Variants in MYO9B observed in about 807,000 individuals in gnomAD.
MYO9B encodes the protein myosin IXB, also known as unconventional myosin-IXb.
Under a neutral mutation model 229.5 loss-of-function variants are expected in MYO9B, and 71 were observed. The observed-to-expected ratio is 0.31, with a 90% CI of 0.26 to 0.38. MYO9B has a LOEUF of 0.38. Among genes scored for constraint, MYO9B ranks in the 10% least tolerant of loss-of-function variants. The probability of loss-of-function intolerance (pLI) is 1.00; values close to 1 mark genes in which losing one functional copy is unlikely to be tolerated. For missense variants in MYO9B, 2,255 were observed against 2,920.5 expected (o/e 0.77, Z 5.25); for synonymous variants, 1,185 against 1,235.8 (o/e 0.96, Z 0.86).
chr19:17,180,115 C>G (rs1189154293), intron 14 of MYO9B, among the ~76,000 whole-genome samples: 2 of 150,158 alleles, frequency 1.3e-5, no homozygotes, highest in Non-Finnish European at 3.0e-5. Context: ...CGCCTGTAAT[C>G]CTAGCTATTT....
chr19:17,182,071 T>C lies in MYO9B; in HGVS notation c.2333+1031T>C, dbSNP rs536001498. Among the ~76,000 whole-genome samples, 938 of 137,712 alleles carry C rather than the reference T, an allele frequency of 6.8e-3. 18 individuals carry two copies. The highest frequency in any genetic ancestry group is 0.034 in the Admixed American group (471 of 14,026). 90.3% of individuals were successfully genotyped at this position (137,712 alleles called of 152,430 possible). On this transcript the variant is annotated intron_variant, in intron 15 of 39. Coordinates refer to ENST00000682292, the MANE Select transcript of MYO9B (RefSeq NM_004145.4). Reference sequence around the variant, plus strand: ...GGATTACAGGCATGATTCACCGCCCTTTTTTTTTTTTTTCTTTTTTAAGAG... The same window carrying C: ...GGATTACAGGCATGATTCACCGCCCCTTTTTTTTTTTTTCTTTTTTAAGAG...
chr19:17,141,329 C>T (rs1380974428), intron 2 of MYO9B, among the ~76,000 whole-genome samples: 2 of 152,144 alleles, frequency 1.3e-5, no homozygotes, highest in African/African-American at 2.4e-5. Context: ...TCGCTCTCTC[C>T]TATCCCCTGG....
At chr19:17,209,552 C>T in intron 35 of MYO9B, 34 bp from the exon 36 acceptor site, 3 of 1,561,638 alleles carry the variant, frequency 1.9e-6, no homozygotes, top group Non-Finnish European at 2.6e-6. Flanking sequence ...GGGGCGGTAA[C>T]TGAGTCACTT....
Position 17,173,132 on chromosome 19 carries a change from G to A in MYO9B, c.2140+169G>A, listed in dbSNP as rs549441784. 2.6e-5 allele frequency among the ~76,000 whole-genome samples: 4 copies of A among 152,040 alleles called. No homozygotes were observed. The South Asian group carries it at 8.3e-4, about 32-fold the overall frequency. ...GTCACCCTGAACAGAAACTCGACCT[G>A]CGTGTGTAATTTAACCTCAGGGCAT... On this transcript the variant is annotated intron_variant, in intron 13 of 39. Coordinates refer to ENST00000682292, the MANE Select transcript of MYO9B (RefSeq NM_004145.4).
intron 2 of MYO9B, among the ~76,000 whole-genome samples, chr19:17,142,626 G>A (rs1374829471): frequency 1.3e-5 from 2 of 152,050 alleles, no homozygotes; most frequent in Non-Finnish European, 2.9e-5. Context: ...GGCAATATTT[G>A]CACCTTCGCA....
intron 1 of MYO9B, among the ~76,000 whole-genome samples, chr19:17,094,535 T>C (rs1184294819): frequency 6.6e-6 from 1 of 152,190 alleles, no homozygotes; most frequent in East Asian, 1.9e-4. Context: ...GCTTTCTGTC[T>C]TCATAGGTCA....
rs184410485 is a variant in MYO9B at position 17,118,244 on chromosome 19, A to G, written c.840+15687A>G. On this transcript the variant is annotated intron_variant, in intron 2 of 39. Coordinates refer to ENST00000682292, the MANE Select transcript of MYO9B (RefSeq NM_004145.4). ...AGTTTAGAGGCCTTTAGAGAGTACA[A>G]TTGAAAATCTGGTCTGGCGCTCTGG... Among the ~76,000 whole-genome samples the G allele has an allele frequency of 7.9e-4, 120 of 152,020 alleles. 1 individual carries two copies. In the Middle Eastern group the frequency reaches 0.017, roughly 22 times the overall value.
At chr19:17,162,296 C>A in intron 8 of MYO9B, 54 bp from the exon 9 acceptor site, 1 of 1,439,826 alleles carries the variant, frequency 6.9e-7, no homozygotes, top group Non-Finnish European at 9.5e-7. Flanking sequence ...CAGAGCAAGA[C>A]TCCAGCGCAG....
intron 24 of MYO9B, among the ~76,000 whole-genome samples, 173 bp from the exon 25 acceptor site, chr19:17,200,120 G>T (rs1028223949): frequency 6.6e-6 from 1 of 151,992 alleles, no homozygotes; most frequent in Non-Finnish European, 1.5e-5. Context: ...TGATCCACCC[G>T]CCTGGATCTC....
At chr19:17,153,094 C>T (rs1480711172) in intron 4 of MYO9B, among the ~76,000 whole-genome samples, 1 of 152,034 alleles carries the variant, frequency 6.6e-6, no homozygotes, top group African/African-American at 2.4e-5. Flanking sequence ...GTGAGCTAGA[C>T]ACCACACTTC....
chr19:17,084,372 T>C (rs1020535117), intron 1 of MYO9B, among the ~76,000 whole-genome samples: 5 of 151,878 alleles, frequency 3.3e-5, no homozygotes, highest in African/African-American at 1.2e-4. Flanking sequence ...GTATTCTGTG[T>C]ATTCTGGTAT....
At chr19:17,084,181 T>A (rs1007841109) in intron 1 of MYO9B, among the ~76,000 whole-genome samples, 3 of 151,786 alleles carry the variant, frequency 2.0e-5, no homozygotes, top group African/African-American at 7.3e-5. Context: ...ACAAAAAAGA[T>A]ACAAAAATTA....
intron 20 of MYO9B, among the ~76,000 whole-genome samples, chr19:17,192,122 A>G (rs1283968933): frequency 6.6e-6 from 1 of 151,496 alleles, no homozygotes; most frequent in Non-Finnish European, 1.5e-5. Context: ...CACCTGACTA[A>G]TTTTTGTATT....
Position 17,159,392 on chromosome 19 carries a change from C to T in MYO9B, c.1330-3C>T, listed in dbSNP as rs750325877. 1.2e-6 allele frequency: 2 copies of T among 1,601,244 alleles called. No individual in the cohort carries two copies. Among genetic ancestry groups the T allele is most frequent in the Non-Finnish European group, 1.7e-6 (2 of 1,173,870 alleles). ...CTTCTCCCTCTCCTTGACCTCCAAA[C>T]AGGTGAAGCGAGAAATCTTGGTGGA... is the stretch of plus-strand genomic sequence containing the variant. On this transcript the variant is annotated splice_polypyrimidine_tract_variant and splice_region_variant and intron_variant, in intron 7 of 39. Coordinates refer to ENST00000682292, the MANE Select transcript of MYO9B (RefSeq NM_004145.4).
chr19:17,206,545 C>T, intron 33 of MYO9B, 134 bp from the exon 34 acceptor site: 1 of 1,290,326 alleles, frequency 7.7e-7, no homozygotes, highest in South Asian at 1.4e-5. Flanking sequence ...GGCCAGGACA[C>T]CTCTGTAGCC....
rs568384629 is a variant in MYO9B at position 17,211,722 on chromosome 19, G to C, written c.6006G>C (p.Ser2002=). 1.7e-5 allele frequency: 27 copies of C among 1,612,958 alleles called. No individual in the cohort carries two copies. The East Asian group carries it at 5.6e-4, about 33-fold the overall frequency. Residue 2002 remains serine (S), a synonymous_variant, in exon 39 of 40, where the codon TCG becomes TCC. Transcript: ENST00000682292. Reference sequence around the variant, plus strand: ...AGGAGAACCTGGACTCGGAGACGTCGGCCAGCACCGAGAGCCTGCTGGAGG... The same window carrying C: ...AGGAGAACCTGGACTCGGAGACGTCCGCCAGCACCGAGAGCCTGCTGGAGG... ...SDEENLDSET[S]ASTESLLEER... is the part of the protein sequence containing the mutation.
chr19:17,079,540 C>T (rs1487484619), intron 1 of MYO9B, among the ~76,000 whole-genome samples: 1 of 152,212 alleles, frequency 6.6e-6, no homozygotes, highest in Non-Finnish European at 1.5e-5. Flanking sequence ...GGATAAACGT[C>T]GCTTTTGTAA....
At chr19:17,079,104 G>A (rs1270924835) in intron 1 of MYO9B, among the ~76,000 whole-genome samples, 3 of 152,290 alleles carry the variant, frequency 2.0e-5, no homozygotes, top group Admixed American at 6.5e-5. Flanking sequence ...TCCAGCCATG[G>A]CCACGTGTCC....
intron 1 of MYO9B, among the ~76,000 whole-genome samples, chr19:17,079,776 G>C (rs759044774): frequency 1.2e-4 from 18 of 152,204 alleles, no homozygotes; most frequent in Non-Finnish European, 2.1e-4. Flanking sequence ...TTGTGTGCCC[G>C]GCATCCCCAG....
Sources: allele counts gnomAD v4.1 joint callset (sites outside exome capture counted in the v4.1 genomes callset), GRCh38; gene constraint gnomAD v4.1.1; transcripts MANE v1.5; gene names NCBI Gene and HGNC (gene_info 2026-07-23, HGNC 2026-07-21).